Variants in MYPN observed in about 807,000 individuals in gnomAD.
The protein encoded by MYPN is sarcomeric protein myopalladin, 145 kDa (MYOP).
A neutral mutation model predicts 129.4 loss-of-function variants in MYPN; 63 were observed. That is an observed-to-expected ratio of 0.49 (90% CI 0.40 to 0.60). MYPN has a LOEUF of 0.60. Among genes scored for constraint, MYPN ranks in the 20% least tolerant of loss-of-function variants. The probability of loss-of-function intolerance (pLI) is 0.00; values close to 1 mark genes in which losing one functional copy is unlikely to be tolerated. For synonymous variants in MYPN, 629 were observed against 600.9 expected (o/e 1.05, Z -0.68); for missense variants, 1,596 against 1,635.4 (o/e 0.98, Z 0.42).
chr10:68,173,832 ATT>A (rs373049187), intron 10 of MYPN, among the ~76,000 whole-genome samples: 3 of 81,860 alleles, frequency 3.7e-5, no homozygotes, highest in African/African-American at 7.0e-5. Flanking sequence ...TGTATATATA[ATT>A]TTTTTTTTTT....
At chr10:68,159,419 G>A (rs891032776) in intron 7 of MYPN, among the ~76,000 whole-genome samples, 5 of 152,148 alleles carry the variant, frequency 3.3e-5, no homozygotes, top group African/African-American at 4.8e-5. Flanking sequence ...GGGAACACTT[G>A]TTTTAATCTG....
intron 6 of MYPN, among the ~76,000 whole-genome samples, chr10:68,151,775 A>G (rs2042775496): frequency 6.6e-6 from 1 of 152,214 alleles, no homozygotes; most frequent in Admixed American, 6.5e-5. Context: ...TCAGAGGGAT[A>G]TCAGGTAATA....
chr10:68,196,813 TCTC>T (rs1025197290), intron 15 of MYPN, among the ~76,000 whole-genome samples: 1 of 151,730 alleles, frequency 6.6e-6, no homozygotes, highest in Non-Finnish European at 1.5e-5. Context: ...TCCTCCTCCT[TCTC>T]CTCCTCCTCC....
chr10:68,154,718 C>T (rs1347985502), intron 6 of MYPN, among the ~76,000 whole-genome samples: 1 of 152,198 alleles, frequency 6.6e-6, no homozygotes, highest in East Asian at 1.9e-4. Flanking sequence ...AACCTTGTAG[C>T]TGACATCTTT....
At chr10:68,168,234 C>T (rs998184775) in intron 10 of MYPN, among the ~76,000 whole-genome samples, 2 of 152,120 alleles carry the variant, frequency 1.3e-5, no homozygotes, top group African/African-American at 2.4e-5. Flanking sequence ...ACCTCCTGCC[C>T]CCTCCCCAGT....
intron 10 of MYPN, among the ~76,000 whole-genome samples, chr10:68,167,924 A>G (rs1473115614): frequency 2.0e-5 from 3 of 152,204 alleles, no homozygotes; most frequent in Non-Finnish European, 4.4e-5. Context: ...ATCCTGCAGG[A>G]GAAGAACTAG....
intron 12 of MYPN, among the ~76,000 whole-genome samples, chr10:68,176,659 A>G (rs1180324061): frequency 2.0e-5 from 3 of 152,230 alleles, no homozygotes; most frequent in African/African-American, 7.2e-5. Context: ...TAAGGAGAAT[A>G]TTTAAACTTG....
upstream of MYPN, among the ~76,000 whole-genome samples, chr10:68,107,335 T>C (rs1405483489): frequency 7.0e-6 from 1 of 142,456 alleles, no homozygotes; most frequent in Admixed American, 7.1e-5. Flanking sequence ...CTTTGGCTTC[T>C]CTTTTCTTTT....
intron 2 of MYPN, among the ~76,000 whole-genome samples, chr10:68,130,741 T>C (rs2042397360): frequency 6.6e-6 from 1 of 152,188 alleles, no homozygotes; most frequent in African/African-American, 2.4e-5. Context: ...TATTTTGTCT[T>C]CTAAAAATTT....
chr10:68,091,420 G>T, intron 1 of MYPN, among the ~76,000 whole-genome samples: 1 of 135,602 alleles, frequency 7.4e-6, no homozygotes, highest in African/African-American at 2.8e-5. Context: ...TTTTTGACAG[G>T]GTCTTGCCCT....
intron 1 of MYPN, among the ~76,000 whole-genome samples, chr10:68,094,477 G>T (rs112586929): frequency 0.099 from 15,051 of 151,818 alleles, 949 homozygotes; most frequent in Middle Eastern, 0.18. Context: ...GGCCAGTCTG[G>T]TCTTCAACTC....
rs149357638 is a variant in MYPN, at chr10:68,174,261, G to A, written c.2169G>A (p.Pro723=). 1.2e-4 allele frequency: 190 copies of A among 1,613,962 alleles called. 1 individual carries two copies. Among genetic ancestry groups the A allele is most frequent in the Non-Finnish European group, 1.5e-4 (179 of 1,180,040 alleles). Residue 723 remains proline (P), a synonymous_variant, in exon 11 of 20, where the codon CCG becomes CCA. Coordinates refer to ENST00000358913, the MANE Select transcript of MYPN (RefSeq NM_032578.4). ...PSSQTFSLAR[P]KYFFPSTNTT... ...CACAGACGTTCAGCTTGGCCCGGCC[G>A]AAGTATTTCTTCCCCTCCACGAACA...
In MYPN at chr10:68,210,491, T is replaced by A; in HGVS notation, c.*36T>A. 6.2e-7 allele frequency: 1 copy of A among 1,611,782 alleles called. No individual in the cohort carries two copies. The highest frequency in any genetic ancestry group is 8.5e-7 in the Non-Finnish European group (1 of 1,179,044). On this transcript the variant is annotated 3_prime_UTR_variant, in exon 20 of 20. Coordinates refer to ENST00000358913, the MANE Select transcript of MYPN (RefSeq NM_032578.4). ...GTACCTGCTGTGTAAGAGAGCGGAC[T>A]GTGGAGGGGGAATGAGAACAAGCCA...
chr10:68,201,902 G>A lies in MYPN; in HGVS notation c.3567G>A (p.Val1189=), dbSNP rs1308500781. 1.2e-5 allele frequency: 19 copies of A among 1,614,062 alleles called. No individual in the cohort carries two copies. The Admixed American group carries it at 3.2e-4, about 27-fold the overall frequency. Residue 1189 remains valine (V), a synonymous_variant, in exon 18 of 20, where the codon GTG becomes GTA. Transcript: ENST00000358913. Reference sequence around the variant, plus strand: ...GCGGTGTTCCCGAAGGCCACCCCGTGAGACTGGAGTGCCGCGTGATAGGCA... The same window carrying A: ...GCGGTGTTCCCGAAGGCCACCCCGTAAGACTGGAGTGCCGCGTGATAGGCA... ...QNCGVPEGHP[V]RLECRVIGMP... is the part of the protein sequence containing the mutation.
At chr10:68,152,235 T>C (rs993869914) in intron 6 of MYPN, among the ~76,000 whole-genome samples, 8 of 152,172 alleles carry the variant, frequency 5.3e-5, no homozygotes, top group Non-Finnish European at 1.0e-4. Context: ...ATTATAAATG[T>C]TTTTTATCAG....
intron 15 of MYPN, among the ~76,000 whole-genome samples, chr10:68,195,897 G>A (rs2043597206): frequency 6.6e-6 from 1 of 151,992 alleles, no homozygotes; most frequent in Admixed American, 6.6e-5. Flanking sequence ...CAAATTCATG[G>A]GCTCAAGCCA....
chr10:68,201,792 A>T, intron 17 of MYPN, 37 bp from the exon 18 acceptor site: 2 of 1,608,606 alleles, frequency 1.2e-6, no homozygotes, highest in Non-Finnish European at 1.7e-6. Flanking sequence ...AAAAAAAAAA[A>T]AAGAAAGAAA....
At chr10:68,202,093 T>C (rs543654067) in intron 18 of MYPN, 99 bp downstream of exon 18, 2 of 1,375,360 alleles carry the variant, frequency 1.5e-6, no homozygotes, top group East Asian at 4.6e-5. Context: ...CTTACTTCAT[T>C]TAGAATAATG....
chr10:68,106,523 T>A (rs112229415), upstream of MYPN: 658 of 630,034 alleles, frequency 1.0e-3, 9 homozygotes, highest in African/African-American at 0.011. Context: ...TCTCTGTTTT[T>A]CAAAAATACG....
Sources: allele counts gnomAD v4.1 joint callset (sites outside exome capture counted in the v4.1 genomes callset), GRCh38; gene constraint gnomAD v4.1.1; transcripts MANE v1.5; gene names NCBI Gene and HGNC (gene_info 2026-07-23, HGNC 2026-07-21).